NRXN1: variants seen among roughly 807,000 people sequenced by gnomAD.
NRXN1 encodes neurexin 1.
NRXN1 carries 39 observed loss-of-function variants against 150.9 expected under a neutral mutation model. The ratio of observed to expected loss-of-function variants is 0.26; its 90% CI spans 0.20 to 0.34. The LOEUF (loss-of-function observed/expected upper bound fraction) is 0.34. Ranked by LOEUF, NRXN1 falls within the 10% of genes least tolerant of loss-of-function variation. NRXN1 has a pLI of 1.00. For missense variants in NRXN1, 1,815 were observed against 1,949.9 expected, an observed-to-expected ratio of 0.93 and a Z score of 1.30; for synonymous variants, 924 against 757.0, an observed-to-expected ratio of 1.22 and a Z score of -3.62.
At chr2:50,568,697 T>A (rs1049912794) in intron 8 of NRXN1, among the ~76,000 whole-genome samples, 1 of 152,144 alleles carries the variant, frequency 6.6e-6, no homozygotes, top group South Asian at 2.1e-4. Flanking sequence ...TTTGTGGGAA[T>A]GTAAATTAGT....
chr2:50,769,827 A>T (rs2105441328), intron 5 of NRXN1, among the ~76,000 whole-genome samples: 1 of 152,238 alleles, frequency 6.6e-6, no homozygotes, highest in Middle Eastern at 3.4e-3. Flanking sequence ...CTAGTGTCAA[A>T]AACTGACAGC....
intron 5 of NRXN1, among the ~76,000 whole-genome samples, chr2:50,640,290 C>T (rs1413249171): frequency 1.3e-5 from 2 of 152,080 alleles, no homozygotes; most frequent in Non-Finnish European, 2.9e-5. Context: ...CCTAGGCATT[C>T]AATGTGTAAT....
chr2:50,920,890 T>G (rs1251525333), intron 5 of NRXN1, among the ~76,000 whole-genome samples: 1 of 151,750 alleles, frequency 6.6e-6, no homozygotes, highest in Non-Finnish European at 1.5e-5. Context: ...TATCATTTCT[T>G]ACATATTGCC....
chr2:49,980,127 C>A (rs892182341), intron 21 of NRXN1, among the ~76,000 whole-genome samples: 1 of 152,096 alleles, frequency 6.6e-6, no homozygotes, highest in Admixed American at 6.6e-5. Context: ...ATGAAGCTAG[C>A]AACTGAAAGT....
intron 19 of NRXN1, among the ~76,000 whole-genome samples, chr2:50,084,722 C>T (rs982086023): frequency 7.2e-5 from 11 of 152,142 alleles, no homozygotes; most frequent in Non-Finnish European, 1.5e-4. Context: ...GAGGAGGCAC[C>T]GAGAGCGAGG....
At chr2:50,451,180 G>A (rs1225332882) in intron 17 of NRXN1, among the ~76,000 whole-genome samples, 1 of 152,136 alleles carries the variant, frequency 6.6e-6, no homozygotes, top group African/African-American at 2.4e-5. Flanking sequence ...TGTTGACCAG[G>A]CTGGTCTGGA....
chr2:50,389,080 A>G (rs1240958126), intron 17 of NRXN1, among the ~76,000 whole-genome samples: 1 of 151,956 alleles, frequency 6.6e-6, no homozygotes, highest in Non-Finnish European at 1.5e-5. Context: ...AGGTGGGAAG[A>G]CAGCTTGAGC....
chr2:50,458,490 C>G (rs1173280995), intron 17 of NRXN1, among the ~76,000 whole-genome samples: 1 of 151,916 alleles, frequency 6.6e-6, no homozygotes, highest in East Asian at 1.9e-4. Flanking sequence ...TGATGGATAC[C>G]CAATTACCCA....
At chr2:50,737,536 G>A (rs1453831451) in intron 5 of NRXN1, among the ~76,000 whole-genome samples, 1 of 152,168 alleles carries the variant, frequency 6.6e-6, no homozygotes, top group Non-Finnish European at 1.5e-5. Flanking sequence ...CCAGGTTGTA[G>A]TCATTTCAAA....
intron 5 of NRXN1, among the ~76,000 whole-genome samples, chr2:50,773,523 T>C (rs1012347886): frequency 7.9e-5 from 12 of 152,174 alleles, no homozygotes; most frequent in African/African-American, 2.7e-4. Context: ...TTGTAAAGAA[T>C]GTTTCATAGG....
intron 8 of NRXN1, among the ~76,000 whole-genome samples, chr2:50,615,010 C>T (rs890392278): frequency 1.3e-5 from 2 of 152,102 alleles, no homozygotes; most frequent in African/African-American, 4.8e-5. Flanking sequence ...GGAAAGGAAT[C>T]AAGCATTTTC....
chr2:51,021,954 A>T (rs1341193308), intron 2 of NRXN1, among the ~76,000 whole-genome samples: 1 of 152,046 alleles, frequency 6.6e-6, no homozygotes, highest in Admixed American at 6.6e-5. Flanking sequence ...TCAGAATGTG[A>T]TTTTTTAACA....
At chr2:50,407,759 G>C (rs1045621429) in intron 17 of NRXN1, among the ~76,000 whole-genome samples, 3 of 152,046 alleles carry the variant, frequency 2.0e-5, no homozygotes, top group African/African-American at 7.2e-5. Context: ...CAGCAAAAAG[G>C]CCCTCACCAG....
At chr2:50,118,315 T>C (rs1021347003) in intron 18 of NRXN1, among the ~76,000 whole-genome samples, 1 of 152,198 alleles carries the variant, frequency 6.6e-6, no homozygotes, top group Admixed American at 6.6e-5. Flanking sequence ...GCCGCCAGTC[T>C]GCAGGTTAAC....
chr2:50,285,808 GCA>G (rs2072078537), intron 17 of NRXN1, among the ~76,000 whole-genome samples: 1 of 151,592 alleles, frequency 6.6e-6, no homozygotes, highest in Non-Finnish European at 1.5e-5. Context: ...TACCCATACA[GCA>G]CACCTTTCAA....
intron 17 of NRXN1, among the ~76,000 whole-genome samples, chr2:50,419,743 A>G (rs1429292424): frequency 5.9e-5 from 9 of 152,104 alleles, no homozygotes; most frequent in Non-Finnish European, 1.2e-4. Flanking sequence ...ACATTAAAAC[A>G]AAAATTCTCC....
rs181229772 is a variant in NRXN1, at chr2:50,559,217, A to C, written c.1321-6192T>G. 6.6e-5 allele frequency among the ~76,000 whole-genome samples: 10 copies of C among 152,364 alleles called. No homozygotes were observed. In the East Asian group the frequency reaches 1.7e-3, roughly 26 times the overall value. ...ATATCAGTGCACTGTGTCAAAATAC[A>C]ACCAGGAACTAGCCAGCAAGTGAAA... On this transcript the variant is annotated intron_variant, in intron 8 of 22. Coordinates refer to ENST00000401669, the MANE Select transcript of NRXN1 (RefSeq NM_001330078.2).
intron 17 of NRXN1, among the ~76,000 whole-genome samples, chr2:50,296,379 A>G (rs1368339317): frequency 1.3e-5 from 2 of 152,156 alleles, no homozygotes; most frequent in Non-Finnish European, 2.9e-5. Context: ...TTTAAAATAC[A>G]GATCATGGGG....
At chr2:50,002,472 G>C (rs1018434708) in intron 21 of NRXN1, among the ~76,000 whole-genome samples, 2 of 152,024 alleles carry the variant, frequency 1.3e-5, no homozygotes, top group African/African-American at 4.8e-5. Context: ...TTCATGAATG[G>C]CAAGAATATT....
Sources: allele counts gnomAD v4.1 joint callset (sites outside exome capture counted in the v4.1 genomes callset), GRCh38; gene constraint gnomAD v4.1.1; transcripts MANE v1.5; gene names NCBI Gene and HGNC (gene_info 2026-07-23, HGNC 2026-07-21).